CLCA1: variants seen among roughly 807,000 people sequenced by gnomAD.
CLCA1 encodes calcium-activated chloride channel regulator 1.
Under a neutral mutation model 85.6 loss-of-function variants are expected in CLCA1, and 59 were observed. That is an observed-to-expected ratio of 0.69 (90% CI 0.56 to 0.86). The LOEUF (loss-of-function observed/expected upper bound fraction) is 0.86. Ranked by LOEUF, CLCA1 falls within the 40% of genes least tolerant of loss-of-function variation. The pLI is 0.00. For synonymous variants in CLCA1, 396 were observed against 398.3 expected, an observed-to-expected ratio of 0.99 and a Z score of 0.07; for missense variants, 1,022 against 1,101.4, an observed-to-expected ratio of 0.93 and a Z score of 1.02.
At position 86,486,771 on chromosome 1, in the gene CLCA1, A is replaced by T. The variant is rs752352591; in HGVS notation, c.1182+18A>T. ...CATTTACTGTGAGATGTGTTTTTCT[A>T]TTGTAGTTTGGAATGTTTGCAATTT... On this transcript the variant is annotated intron_variant, in intron 7 of 13. Transcript: ENST00000394711. 6.2e-7 allele frequency: 1 copy of T among 1,609,518 alleles called. No homozygotes were observed. The highest frequency in any genetic ancestry group is 1.3e-5 in the African/African-American group (1 of 74,928).
At chr1:86,483,969 C>T (rs890567914) in intron 5 of CLCA1, among the ~76,000 whole-genome samples, 2 of 152,168 alleles carry the variant, frequency 1.3e-5, no homozygotes, top group Non-Finnish European at 2.9e-5. Flanking sequence ...AAGCAAGGCA[C>T]ACCTTACGAG....
At chr1:86,495,793 T>C (rs2101747986) in intron 12 of CLCA1, 118 bp downstream of exon 12, 1 of 972,270 alleles carries the variant, frequency 1.0e-6, no homozygotes, top group Non-Finnish European at 1.5e-6. Flanking sequence ...AACCTTGGCA[T>C]TATTAAGATT....
Position 86,473,072 on chromosome 1 carries a change from C to G in CLCA1, c.163-345C>G, listed in dbSNP as rs1361319560. On this transcript the variant is annotated intron_variant, in intron 1 of 13. Coordinates refer to ENST00000394711, the MANE Select transcript of CLCA1 (RefSeq NM_001285.4). Reference sequence around the variant, plus strand: ...ATCATATGTTTCACTTTGTTCCTCACCACAACCTTATCAGCCAGTCACTAT... The same window carrying G: ...ATCATATGTTTCACTTTGTTCCTCAGCACAACCTTATCAGCCAGTCACTAT... Among the ~76,000 whole-genome samples, 6 of 152,266 alleles carry G rather than the reference C, an allele frequency of 3.9e-5. No individual in the cohort carries two copies. The East Asian group carries it at 1.2e-3, about 29-fold the overall frequency.
chr1:86,493,661 A>G, intron 10 of CLCA1, 62 bp downstream of exon 10: 1 of 1,273,242 alleles, frequency 7.9e-7, no homozygotes, highest in Non-Finnish European at 1.1e-6. Context: ...TTTTTACAGA[A>G]TAATTGTAGC....
At position 86,473,380 on chromosome 1, in the gene CLCA1, C is replaced by T. The variant is rs146279529; in HGVS notation, c.163-37C>T. The T allele has an allele frequency of 3.4e-3, 4,809 of 1,432,328 alleles. 18 individuals are homozygous for T. Among genetic ancestry groups the T allele is most frequent in the South Asian group, 6.0e-3 (411 of 68,654 alleles). The allele number at this position is 1,432,328 out of a possible 1,614,324, so 88.7% of individuals were successfully genotyped here. On this transcript the variant is annotated intron_variant, in intron 1 of 13. Coordinates refer to ENST00000394711, the MANE Select transcript of CLCA1 (RefSeq NM_001285.4). ...AATGACTGATAATTTAATTTATTTT[C>T]AGTCAATTGTTACGTATGTTTTCTT...
At chr1:86,498,933 C>A in intron 13 of CLCA1, 122 bp downstream of exon 13, 2 of 1,112,700 alleles carry the variant, frequency 1.8e-6, no homozygotes, top group Non-Finnish European at 2.5e-6. Flanking sequence ...GGGATCTTGC[C>A]GGTCCTTTGA....
At chr1:86,484,754 A>C (rs1647917014) in intron 5 of CLCA1, among the ~76,000 whole-genome samples, 1 of 152,120 alleles carries the variant, frequency 6.6e-6, no homozygotes, top group South Asian at 2.1e-4. Flanking sequence ...TAGGAGGGAA[A>C]AGGTAGGAAA....
intron 1 of CLCA1, among the ~76,000 whole-genome samples, chr1:86,471,112 C>T (rs968970632): frequency 3.1e-4 from 47 of 152,258 alleles, no homozygotes; most frequent in South Asian, 8.3e-4. Context: ...CACACACACA[C>T]GCCCATGCAC....
chr1:86,481,946 C>G (rs1448349617), intron 4 of CLCA1, among the ~76,000 whole-genome samples: 1 of 152,242 alleles, frequency 6.6e-6, no homozygotes, highest in Non-Finnish European at 1.5e-5. Context: ...TTAATGCTAA[C>G]AACAGCCCTA....
chr1:86,472,420 GC>G (rs891220071), intron 1 of CLCA1, among the ~76,000 whole-genome samples: 11 of 152,034 alleles, frequency 7.2e-5, no homozygotes, highest in Non-Finnish European at 1.5e-4. Context: ...CCCTGTATTG[GC>G]TCCTCCTCTT....
At position 86,486,787 on chromosome 1, in the gene CLCA1, T is replaced by C. The variant is rs780047229; in HGVS notation, c.1182+34T>C. 12 of 1,590,618 alleles carry C rather than the reference T, an allele frequency of 7.5e-6. No individual in the cohort carries two copies. In the East Asian group the frequency reaches 2.5e-4, roughly 33 times the overall value. On this transcript the variant is annotated intron_variant, in intron 7 of 13. Coordinates refer to ENST00000394711, the MANE Select transcript of CLCA1 (RefSeq NM_001285.4). ...TGTTTTTCTATTGTAGTTTGGAATG[T>C]TTGCAATTTATGTTGCTTAACAAAC...
intron 8 of CLCA1, among the ~76,000 whole-genome samples, chr1:86,489,427 G>C (rs191321286): frequency 1.3e-5 from 2 of 152,168 alleles, no homozygotes; most frequent in Non-Finnish European, 1.5e-5. Flanking sequence ...CCTTCTTCCC[G>C]GGCCAGGAAC....
At chr1:86,469,307 G>A (rs1647435674) in intron 1 of CLCA1, among the ~76,000 whole-genome samples, 174 bp downstream of exon 1, 1 of 152,182 alleles carries the variant, frequency 6.6e-6, no homozygotes, top group South Asian at 2.1e-4. Flanking sequence ...GGATTCTTGT[G>A]TCAGATAAGA....
At chr1:86,493,979 C>T (rs566104199) in intron 10 of CLCA1, among the ~76,000 whole-genome samples, 134 of 152,242 alleles carry the variant, frequency 8.8e-4, no homozygotes, top group African/African-American at 3.0e-3. Context: ...TCCCACCCGC[C>T]GTGGAATTTT....
At chr1:86,495,227 AGTAGTTACCTT>A (rs1383981608) in intron 11 of CLCA1, among the ~76,000 whole-genome samples, 2 of 152,214 alleles carry the variant, frequency 1.3e-5, no homozygotes, top group African/African-American at 4.8e-5. Flanking sequence ...ATACTTATTG[AGTAGTTACCTT>A]GTGCTACATT....
chr1:86,498,873 C>A (rs555941051), intron 13 of CLCA1, 62 bp downstream of exon 13: 4 of 1,553,734 alleles, frequency 2.6e-6, no homozygotes, highest in South Asian at 2.5e-5. Flanking sequence ...AGAGCAGAAG[C>A]GGGTGAGGCA....
chr1:86,472,957 T>C (rs5744323), intron 1 of CLCA1, among the ~76,000 whole-genome samples: 523 of 152,354 alleles, frequency 3.4e-3, no homozygotes, highest in Non-Finnish European at 6.5e-3. Flanking sequence ...AGTTTCACCC[T>C]CAAAGATTTG....
At chr1:86,480,355 A>C (rs750113963) in intron 4 of CLCA1, among the ~76,000 whole-genome samples, 1 of 152,214 alleles carries the variant, frequency 6.6e-6, no homozygotes, top group Non-Finnish European at 1.5e-5. Context: ...ACATCCAAAT[A>C]GAAAAATAGA....
intron 6 of CLCA1, among the ~76,000 whole-genome samples, chr1:86,486,195 G>T (rs1296700296): frequency 1.3e-5 from 2 of 152,158 alleles, no homozygotes; most frequent in African/African-American, 4.8e-5. Context: ...GGATTATGGG[G>T]ATTACAATTT....
Sources: allele counts gnomAD v4.1 joint callset (sites outside exome capture counted in the v4.1 genomes callset), GRCh38; gene constraint gnomAD v4.1.1; transcripts MANE v1.5; gene names NCBI Gene and HGNC (gene_info 2026-07-23, HGNC 2026-07-21).